CLEC10A: variants seen among roughly 807,000 people sequenced by gnomAD.
The protein encoded by CLEC10A is C-type lectin domain containing 10A, also known as C-type lectin domain family 10 member A.
Under a neutral mutation model 42.0 loss-of-function variants are expected in CLEC10A, and 38 were observed. The observed-to-expected ratio is 0.90, with a 90% CI of 0.70 to 1.18. The LOEUF (loss-of-function observed/expected upper bound fraction) is 1.18. CLEC10A is among the 50% of genes most tolerant of loss of function. The probability of loss-of-function intolerance (pLI) is 0.00; values close to 1 mark genes in which losing one functional copy is unlikely to be tolerated. For missense variants in CLEC10A, 298 were observed against 345.9 expected (o/e 0.86, Z 1.10); for synonymous variants, 126 against 139.9 (o/e 0.90, Z 0.70).
chr17:7,078,127 G>A lies in CLEC10A; in HGVS notation c.68-14C>T, dbSNP rs768964637. 6.3e-7 allele frequency: 1 copy of A among 1,591,998 alleles called. No homozygotes were observed. The highest frequency in any genetic ancestry group is 1.7e-5 in the Admixed American group (1 of 59,932). On this transcript the variant is annotated splice_polypyrimidine_tract_variant and intron_variant, in intron 2 of 8. Coordinates refer to ENST00000416562, the MANE Select transcript of CLEC10A (RefSeq NM_001330070.2). Reference sequence around the variant, plus strand: ...GAGGAAGTGGCCCTGCAAGAGGAGAGAGTGTCAGGATGAGGAGGGTCCAGA... The same window carrying A: ...GAGGAAGTGGCCCTGCAAGAGGAGAAAGTGTCAGGATGAGGAGGGTCCAGA...
Position 7,078,769 on chromosome 17 carries a change from AC to A in CLEC10A, c.43del (p.Val15Ter). 1 of 1,614,082 alleles carries A rather than the reference AC, an allele frequency of 6.2e-7. No homozygotes were observed. The highest frequency in any genetic ancestry group is 8.5e-7 in the Non-Finnish European group (1 of 1,180,006). On this transcript the variant is annotated frameshift_variant, in exon 2 of 9. Transcript: ENST00000416562. LOFTEE classifies it high-confidence loss of function. Reference sequence around the variant, plus strand: ...ACCATTTTTAAACCCCTGGACTTTCACCTTATTCTCCAAGTACTGGAAGTTT... The same window carrying A: ...ACCATTTTTAAACCCCTGGACTTTCACTTATTCTCCAAGTACTGGAAGTTT... ...YENFQYLENK[V>X]KVQGFKNGPL...
chr17:7,076,878 C>T lies in CLEC10A; in HGVS notation c.280+14G>A. On this transcript the variant is annotated intron_variant, in intron 4 of 8. Transcript: ENST00000416562. ...CCTGGCCCCAGCCCAGAGCCCCATCCAAACCAGACTCACCCTGGGAAGTCA... is the reference window on the plus strand; with the variant it reads ...CCTGGCCCCAGCCCAGAGCCCCATCTAAACCAGACTCACCCTGGGAAGTCA... The T allele has an allele frequency of 6.2e-7, 1 of 1,613,864 alleles. No individual in the cohort carries two copies. The highest frequency in any genetic ancestry group is 8.5e-7 in the Non-Finnish European group (1 of 1,179,842).
At chr17:7,077,677 C>T (rs1319615089) in intron 3 of CLEC10A, among the ~76,000 whole-genome samples, 3 of 128,732 alleles carry the variant, frequency 2.3e-5, no homozygotes, top group South Asian at 2.6e-4. Context: ...CCCCCACCAC[C>T]GTCCCCATCA....
chr17:7,075,927 C>G, intron 6 of CLEC10A, 42 bp from the exon 7 acceptor site: 1 of 1,611,888 alleles, frequency 6.2e-7, no homozygotes, highest in South Asian at 1.1e-5. Flanking sequence ...GGCTGAGGCT[C>G]TGCCCAGTGG....
chr17:7,078,162 C>T (rs1216746066), intron 2 of CLEC10A, 49 bp from the exon 3 acceptor site: 9 of 1,422,896 alleles, frequency 6.3e-6, no homozygotes, highest in Admixed American at 3.4e-5. Context: ...ACACCGGAGA[C>T]GGGAGAAGGA....
At chr17:7,076,252 C>T (rs1018892081) in intron 5 of CLEC10A, 181 bp from the exon 6 acceptor site, 3 of 1,069,802 alleles carry the variant, frequency 2.8e-6, no homozygotes, top group South Asian at 1.7e-5. Context: ...TTCCTCTGCC[C>T]CTGTTTCTCC....
intron 3 of CLEC10A, 65 bp downstream of exon 3, chr17:7,077,932 G>C: frequency 8.0e-7 from 1 of 1,255,834 alleles, no homozygotes; most frequent in East Asian, 2.3e-5. Flanking sequence ...CCCTACTGTA[G>C]CACCCCATTA....
At chr17:7,077,097 G>A in intron 3 of CLEC10A, 110 bp from the exon 4 acceptor site, 1 of 750,326 alleles carries the variant, frequency 1.3e-6, no homozygotes, top group Non-Finnish European at 2.4e-6. Context: ...CGGCAACCCA[G>A]TGGGGCAGGC....
Position 7,076,096 on chromosome 17 carries a change from G to A in CLEC10A, c.353-25C>T, listed in dbSNP as rs756447871. ...ACTGGGACACACACAGATGGGCAGT[G>A]GGGACAGTGGCCTAGGTGTGCCTTC... On this transcript the variant is annotated intron_variant, in intron 5 of 8. Transcript: ENST00000416562. 4.3e-6 allele frequency: 7 copies of A among 1,614,110 alleles called. No homozygotes were observed. The East Asian group carries it at 1.6e-4, about 36-fold the overall frequency.
Position 7,074,956 on chromosome 17 carries a change from T to C in CLEC10A, c.*98A>G, listed in dbSNP as rs1232021761. 1 of 950,556 alleles carries C rather than the reference T, an allele frequency of 1.1e-6. No homozygotes were observed. The highest frequency in any genetic ancestry group is 3.0e-5 in the South Asian group (1 of 33,372). 58.9% of individuals were successfully genotyped at this position (950,556 alleles called of 1,614,324 possible). A position where few individuals can be genotyped will look rare whatever the true frequency, so the allele number is the denominator to read the frequency against. On this transcript the variant is annotated 3_prime_UTR_variant, in exon 9 of 9. Transcript: ENST00000416562. ...GTTAGCAGTGCTTCCAATCTCCCAGTGCTTATTTCTCTCCCAGAGCGGTCT... is the reference window on the plus strand; with the variant it reads ...GTTAGCAGTGCTTCCAATCTCCCAGCGCTTATTTCTCTCCCAGAGCGGTCT...
Position 7,076,071 on chromosome 17 carries a change from A to T in CLEC10A, c.353T>A (p.Val118Asp), listed in dbSNP as rs1228985032. ...VEGFKQERQA[V>D]HSEMLLRVQQ... ...GACTCGCAGGAGCATTTCAGAATGA[A>T]CTGGGACACACACAGATGGGCAGTG... is the stretch of plus-strand genomic sequence containing the variant. Residue 118 changes from valine (V) to aspartate (D), a missense_variant and splice_region_variant, in exon 6 of 9, where the codon GTT (valine) becomes GAT (aspartate). By Grantham distance (152) the Val-to-Asp change is radical. Coordinates refer to ENST00000416562, the MANE Select transcript of CLEC10A (RefSeq NM_001330070.2). The T allele has an allele frequency of 6.2e-7, 1 of 1,614,022 alleles. No individual in the cohort carries two copies. The highest frequency in any genetic ancestry group is 8.5e-7 in the Non-Finnish European group (1 of 1,180,050).
In CLEC10A at chr17:7,075,904, G is replaced by C. The variant is rs1205361364; in HGVS notation, c.440-19C>G. ...GTGGAGGCTGATTGGGGAGAAATAG[G>C]ATAGGGTGGAGAGGCTGAGGCTCTG... On this transcript the variant is annotated intron_variant, in intron 6 of 8. Transcript: ENST00000416562. 1.5e-6 allele frequency: 1 copy of C among 683,604 alleles called. No homozygotes were observed. The highest frequency in any genetic ancestry group is 1.9e-6 in the Non-Finnish European group (1 of 522,754). The allele number at this position is 683,604 out of a possible 1,614,324, so 42.3% of individuals were successfully genotyped here.
chr17:7,078,188 T>C, intron 2 of CLEC10A, 75 bp from the exon 3 acceptor site: 1 of 1,151,730 alleles, frequency 8.7e-7, no homozygotes, highest in South Asian at 1.3e-5. Flanking sequence ...CCCAGGGAGC[T>C]GTCTAGTGAG....
chr17:7,077,684 AT>A, intron 3 of CLEC10A, among the ~76,000 whole-genome samples: 1 of 73,536 alleles, frequency 1.4e-5, no homozygotes, highest in Non-Finnish European at 2.6e-5. Context: ...CACCGTCCCC[AT>A]CAATCACTCC....
intron 5 of CLEC10A, chr17:7,076,303 CTTTCTT>C (rs1911739482): frequency 1.4e-5 from 7 of 493,532 alleles, no homozygotes; most frequent in African/African-American, 4.3e-5. Context: ...TTCTTTCTTT[CTTTCTT>C]TTTTTTTTTT....
rs777554621 is a variant in CLEC10A at position 7,075,096 on chromosome 17, G to A, written c.828C>T (p.Val276=). 6.2e-7 allele frequency: 1 copy of A among 1,602,148 alleles called. No homozygotes were observed. Among genetic ancestry groups the A allele is most frequent in the Non-Finnish European group, 8.5e-7 (1 of 1,176,796 alleles). Reference sequence around the variant, plus strand: ...TGGTCTGACCCAGGCCAGCCTCGCAGACCCAGTGGTAGGGCCTCTGGCAGA... The same window carrying A: ...TGGTCTGACCCAGGCCAGCCTCGCAAACCCAGTGGTAGGGCCTCTGGCAGA... ...DDVCQRPYHW[V]CEAGLGQTSQ... The change falls in exon 9 of 9, where the codon GTC becomes GTT. Residue 276 remains valine, a synonymous_variant. Transcript: ENST00000416562.
chr17:7,075,141 G>A lies in CLEC10A; in HGVS notation c.783C>T (p.Asp261=), dbSNP rs372729049. The part of the protein sequence containing the change: ...GGEDCAHFHP[D]GRWNDDVCQR... Reference sequence around the variant, plus strand: ...GGCAGACGTCGTCATTCCACCTGCCGTCTGGATGGAAGTGAGCACAGTCCT... The same window carrying A: ...GGCAGACGTCGTCATTCCACCTGCCATCTGGATGGAAGTGAGCACAGTCCT... The change falls in exon 9 of 9, where the codon GAC becomes GAT. Residue 261 remains aspartate (D), a synonymous_variant. Coordinates refer to ENST00000416562, the MANE Select transcript of CLEC10A (RefSeq NM_001330070.2). 3.3e-5 allele frequency: 53 copies of A among 1,608,022 alleles called. No individual in the cohort carries two copies. Among genetic ancestry groups the A allele is most frequent in the Non-Finnish European group, 4.2e-5 (49 of 1,178,216 alleles).
Position 7,075,354 on chromosome 17 carries a change from A to G in CLEC10A, c.701+6T>C, listed in dbSNP as rs1911660579. The G allele has an allele frequency of 2.6e-6, 4 of 1,514,032 alleles. No individual in the cohort carries two copies. The highest frequency in any genetic ancestry group is 2.3e-5 in the Admixed American group (1 of 43,124). The allele number at this position is 1,514,032 out of a possible 1,614,324, so 93.8% of individuals were successfully genotyped here. A position where few individuals can be genotyped will look rare whatever the true frequency, so the allele number is the denominator to read the frequency against. On this transcript the variant is annotated splice_donor_region_variant and intron_variant, in intron 8 of 8. Coordinates refer to ENST00000416562, the MANE Select transcript of CLEC10A (RefSeq NM_001330070.2). ...ACATTGGCACAGAAAGCCAGGGTGCACTCACTGGAAGCCGGTCGCATAGTC... is the reference window on the plus strand; with the variant it reads ...ACATTGGCACAGAAAGCCAGGGTGCGCTCACTGGAAGCCGGTCGCATAGTC...
intron 3 of CLEC10A, among the ~76,000 whole-genome samples, chr17:7,077,427 T>C (rs74583954): frequency 0.048 from 3,895 of 80,376 alleles, 183 homozygotes; most frequent in Middle Eastern, 0.068. Flanking sequence ...AGTGCTCCCA[T>C]CACCATTCCC....
Sources: gnomAD v4.1 joint callset for allele counts (sites outside exome capture counted in the v4.1 genomes callset) on GRCh38, gnomAD v4.1.1 for gene constraint, MANE v1.5 for transcripts, NCBI Gene and HGNC (gene_info 2026-07-23, HGNC 2026-07-21) for gene names.